Variants in BABAM2 observed in about 807,000 individuals in gnomAD.
BABAM2 encodes BRISC and BRCA1-A complex member 2.
In BABAM2, 31 loss-of-function variants were observed where a neutral mutation model predicts 54.7. That is an observed-to-expected ratio of 0.57 (90% confidence interval 0.43 to 0.77). The LOEUF (loss-of-function observed/expected upper bound fraction) is 0.77, where lower values mean the gene tolerates loss of function less well. Among genes scored for constraint, BABAM2 ranks in the 30% least tolerant of loss-of-function variants. The pLI is 0.00. For synonymous variants in BABAM2, 167 were observed against 162.9 expected, an observed-to-expected ratio of 1.03 and a Z score of -0.19; for missense variants, 364 against 455.8, an observed-to-expected ratio of 0.80 and a Z score of 1.83.
intron 7 of BABAM2, among the ~76,000 whole-genome samples, chr2:28,206,534 T>A (rs1678859688): frequency 6.6e-6 from 1 of 152,180 alleles, no homozygotes; most frequent in South Asian, 2.1e-4. Context: ...GGTGATGATG[T>A]TACTGACTGA....
chr2:28,010,555 A>G (rs1674313867), intron 4 of BABAM2, among the ~76,000 whole-genome samples: 1 of 152,096 alleles, frequency 6.6e-6, no homozygotes, highest in Admixed American at 6.6e-5. Context: ...TCCCCTAAAG[A>G]GGTAAAAGGG....
intron 10 of BABAM2, 137 bp from the exon 11 acceptor site, chr2:28,298,201 A>G: frequency 1.1e-6 from 1 of 907,020 alleles, no homozygotes; most frequent in Non-Finnish European, 1.7e-6. Context: ...TCTATACACC[A>G]CACCTTTCAT....
chr2:28,248,934 G>A (rs1221261043), intron 10 of BABAM2, among the ~76,000 whole-genome samples: 1 of 151,996 alleles, frequency 6.6e-6, no homozygotes, highest in Non-Finnish European at 1.5e-5. Flanking sequence ...AGGTATTAGG[G>A]GATATAAGTA....
At chr2:28,114,969 A>T (rs917868782) in intron 6 of BABAM2, among the ~76,000 whole-genome samples, 4 of 152,214 alleles carry the variant, frequency 2.6e-5, no homozygotes, top group African/African-American at 9.6e-5. Flanking sequence ...AAATATATGT[A>T]GTCATTCATA....
At chr2:28,194,372 A>G (rs1054902559) in intron 7 of BABAM2, among the ~76,000 whole-genome samples, 3 of 152,134 alleles carry the variant, frequency 2.0e-5, no homozygotes, top group African/African-American at 7.2e-5. Context: ...GTCAAGATTA[A>G]GAAGGTTGCT....
chr2:27,970,487 A>G (rs1671131504), intron 3 of BABAM2, among the ~76,000 whole-genome samples: 1 of 152,208 alleles, frequency 6.6e-6, no homozygotes, highest in Non-Finnish European at 1.5e-5. Flanking sequence ...TATATAGTTT[A>G]CAGTATCTAT....
intron 6 of BABAM2, among the ~76,000 whole-genome samples, chr2:28,084,982 TA>T (rs891198252): frequency 2.0e-5 from 3 of 152,038 alleles, no homozygotes; most frequent in African/African-American, 7.3e-5. Flanking sequence ...ATTTGGGTTT[TA>T]AAAAAACGGA....
At chr2:27,911,192 T>C (rs1666566979) in intron 2 of BABAM2, among the ~76,000 whole-genome samples, 1 of 152,206 alleles carries the variant, frequency 6.6e-6, no homozygotes, top group African/African-American at 2.4e-5. Flanking sequence ...GTCTTGGACA[T>C]GTCTTTATTA....
At chr2:28,201,939 C>CG (rs11409210) in intron 7 of BABAM2, among the ~76,000 whole-genome samples, 147,766 of 152,202 alleles carry the variant, frequency 0.97, 71,895 homozygotes, top group East Asian at 1. Context: ...GATACAGAAC[C>CG]GGTGTTCTGT....
chr2:28,128,941 AGTAATATGTTTAC>A (rs1340099339), intron 6 of BABAM2, among the ~76,000 whole-genome samples: 2 of 152,222 alleles, frequency 1.3e-5, no homozygotes, highest in African/African-American at 4.8e-5. Context: ...TTATGTTTAT[AGTAATATGTTTAC>A]TGCAACTTAA....
intron 6 of BABAM2, among the ~76,000 whole-genome samples, chr2:28,047,834 T>G (rs527589010): frequency 1.3e-5 from 2 of 152,310 alleles, no homozygotes; most frequent in East Asian, 3.9e-4. Context: ...GAGAAACTCT[T>G]GTGTAACACA....
In BABAM2 at chr2:28,146,121, T is replaced by G. The variant is rs147507713; in HGVS notation, c.680+16741T>G. On this transcript the variant is annotated intron_variant, in intron 7 of 11. Transcript: ENST00000379624. ...GCCAATTCAGACCTTTTGCCCATTTTTAAGTTGCTTTATTTTTCTTGTTAT... is the reference window on the plus strand; with the variant it reads ...GCCAATTCAGACCTTTTGCCCATTTGTAAGTTGCTTTATTTTTCTTGTTAT... 1.3e-4 allele frequency among the ~76,000 whole-genome samples: 20 copies of G among 152,372 alleles called. No individual in the cohort carries two copies. The East Asian group carries it at 3.9e-3, about 29-fold the overall frequency.
chr2:28,019,781 C>T (rs116164979), intron 4 of BABAM2, among the ~76,000 whole-genome samples: 8,580 of 152,074 alleles, frequency 0.056, 672 homozygotes, highest in African/African-American at 0.18. Flanking sequence ...TTTTGTTGGC[C>T]ATGTTGAAGA....
chr2:27,947,861 T>C (rs1253886205), intron 3 of BABAM2, among the ~76,000 whole-genome samples: 1 of 152,234 alleles, frequency 6.6e-6, no homozygotes, highest in Non-Finnish European at 1.5e-5. Context: ...CTTTCTCTTT[T>C]AAATTGCCCT....
chr2:28,122,075 C>G (rs10207666), intron 6 of BABAM2, among the ~76,000 whole-genome samples: 16,931 of 151,882 alleles, frequency 0.11, 1,485 homozygotes, highest in African/African-American at 0.24. Flanking sequence ...AATTAGCTGG[C>G]CATGGTGGCG....
At chr2:28,226,495 C>A (rs1366699254) in intron 7 of BABAM2, among the ~76,000 whole-genome samples, 1 of 152,066 alleles carries the variant, frequency 6.6e-6, no homozygotes, top group African/African-American at 2.4e-5. Context: ...AAAACAGAGG[C>A]AGATCCTCAT....
rs182775216 is a variant in BABAM2, at chr2:27,938,282, C to T, written c.205+8374C>T. On this transcript the variant is annotated intron_variant, in intron 3 of 11. Transcript: ENST00000379624. ...CTTTAGATGAACAAACACTTCTCAG[C>T]AACACACATTTTAACAAATGTAGTA... is the stretch of plus-strand genomic sequence containing the variant. Among the ~76,000 whole-genome samples, 5 of 152,272 alleles carry T rather than the reference C, an allele frequency of 3.3e-5. No homozygotes were observed. In the East Asian group the frequency reaches 9.6e-4, roughly 29 times the overall value.
intron 2 of BABAM2, among the ~76,000 whole-genome samples, chr2:27,926,206 A>G (rs1184221157): frequency 2.0e-5 from 3 of 151,732 alleles, no homozygotes; most frequent in Admixed American, 1.3e-4. Context: ...ATGAATTGCA[A>G]CCACTTGCAG....
chr2:28,243,662 G>A (rs930221971), intron 9 of BABAM2, among the ~76,000 whole-genome samples: 1 of 151,930 alleles, frequency 6.6e-6, no homozygotes, highest in African/African-American at 2.4e-5. Context: ...AGCCAAGATC[G>A]CACCACTGCA....
Sources: allele counts gnomAD v4.1 joint callset (sites outside exome capture counted in the v4.1 genomes callset), GRCh38; gene constraint gnomAD v4.1.1; transcripts MANE v1.5; gene names NCBI Gene and HGNC (gene_info 2026-07-23, HGNC 2026-07-21).